LRMDA: variants seen among roughly 807,000 people sequenced by gnomAD.
The protein encoded by LRMDA is leucine rich melanocyte differentiation associated, also known as leucine-rich melanocyte differentiation-associated protein.
Under a neutral mutation model 29.8 loss-of-function variants are expected in LRMDA, and 18 were observed. The observed-to-expected ratio is 0.60, with a 90% CI of 0.42 to 0.90. LRMDA has a LOEUF of 0.90. Ranked by LOEUF, LRMDA falls within the 40% of genes least tolerant of loss-of-function variation. The probability of loss-of-function intolerance (pLI) is 0.00; values close to 1 mark genes in which losing one functional copy is unlikely to be tolerated. For missense variants in LRMDA, 273 were observed against 273.9 expected (o/e 1.00, Z 0.02); for synonymous variants, 125 against 109.4 (o/e 1.14, Z -0.89).
chr10:76,090,465 G>C (rs572011057), intron 5 of LRMDA, among the ~76,000 whole-genome samples: 98 of 152,286 alleles, frequency 6.4e-4, no homozygotes, highest in African/African-American at 2.3e-3. Flanking sequence ...ATAGTATGGT[G>C]GTTCCTCAAA....
Position 76,545,285 on chromosome 10 carries a change from AC to A in LRMDA, c.602-11923del, listed in dbSNP as rs371189211. On this transcript the variant is annotated intron_variant, in intron 6 of 6. Transcript: ENST00000611255. The stretch of plus-strand genomic sequence containing the variant: ...ATTTCAGCCTGCAGAACCAGACAGA[AC>A]TGTGGATGTTCCCTGCTTTTGATGT... Among the ~76,000 whole-genome samples, 789 of 151,930 alleles carry A rather than the reference AC, an allele frequency of 5.2e-3. 9 individuals carry two copies. The highest frequency in any genetic ancestry group is 0.028 in the Middle Eastern group (8 of 290).
chr10:76,044,399 C>T (rs1285308904), intron 3 of LRMDA, among the ~76,000 whole-genome samples: 1 of 150,852 alleles, frequency 6.6e-6, no homozygotes, highest in Non-Finnish European at 1.5e-5. Flanking sequence ...TGTCTGTGCC[C>T]ATATCTAAGG....
intron 5 of LRMDA, 54 bp from the exon 6 acceptor site, chr10:76,324,347 T>G: frequency 2.1e-6 from 3 of 1,441,990 alleles, no homozygotes; most frequent in African/African-American, 1.4e-5. Flanking sequence ...AATGAGGGTA[T>G]TTGGTATTTG....
intron 5 of LRMDA, among the ~76,000 whole-genome samples, chr10:76,194,043 G>C (rs552459590): frequency 2.6e-5 from 4 of 152,314 alleles, no homozygotes; most frequent in African/African-American, 4.8e-5. Flanking sequence ...GACTTGAAGG[G>C]ACAGGATATA....
chr10:76,016,393 T>C (rs1240014877), intron 2 of LRMDA, among the ~76,000 whole-genome samples: 1 of 152,182 alleles, frequency 6.6e-6, no homozygotes, highest in Non-Finnish European at 1.5e-5. Context: ...TAGGTGGTTT[T>C]GTTTTAGTTT....
chr10:75,584,440 A>G (rs1032412695), intron 2 of LRMDA, among the ~76,000 whole-genome samples: 2 of 152,146 alleles, frequency 1.3e-5, no homozygotes, highest in Non-Finnish European at 2.9e-5. Context: ...GACCACCTTC[A>G]GGAAAGGAAT....
At chr10:76,426,698 A>G (rs1448481264) in intron 6 of LRMDA, among the ~76,000 whole-genome samples, 2 of 152,314 alleles carry the variant, frequency 1.3e-5, no homozygotes, top group East Asian at 3.9e-4. Flanking sequence ...CCTGAATGGT[A>G]TTACCTGGGT....
At chr10:75,671,822 T>C (rs563511223) in intron 2 of LRMDA, among the ~76,000 whole-genome samples, 1 of 152,288 alleles carries the variant, frequency 6.6e-6, no homozygotes, top group East Asian at 1.9e-4. Context: ...GTGTGCATCT[T>C]CCCTTGACGA....
intron 2 of LRMDA, among the ~76,000 whole-genome samples, chr10:75,843,473 A>G (rs1259178748): frequency 3.3e-5 from 5 of 152,180 alleles, no homozygotes; most frequent in Admixed American, 3.3e-4. Context: ...TGCTTGCTCT[A>G]CCCTGAACTT....
intron 5 of LRMDA, among the ~76,000 whole-genome samples, chr10:76,232,811 C>T (rs1460358154): frequency 6.6e-6 from 1 of 152,202 alleles, no homozygotes; most frequent in Non-Finnish European, 1.5e-5. Flanking sequence ...GGTGGTCCCC[C>T]TACCCAAAGG....
intron 6 of LRMDA, among the ~76,000 whole-genome samples, chr10:76,329,731 C>T (rs1211298064): frequency 1.3e-5 from 2 of 152,104 alleles, no homozygotes; most frequent in East Asian, 3.9e-4. Flanking sequence ...TTTGCAGTTT[C>T]CTAAATGTGA....
At chr10:76,379,303 T>C (rs1841561067) in intron 6 of LRMDA, among the ~76,000 whole-genome samples, 2 of 152,040 alleles carry the variant, frequency 1.3e-5, no homozygotes, top group African/African-American at 2.4e-5. Flanking sequence ...CTACGATTGG[T>C]GCCAGTTCCT....
intron 2 of LRMDA, among the ~76,000 whole-genome samples, chr10:75,986,991 T>C (rs1847272487): frequency 6.6e-6 from 1 of 152,220 alleles, no homozygotes; most frequent in Non-Finnish European, 1.5e-5. Context: ...CAGTTCTCCT[T>C]TCTGTCCTTT....
chr10:75,728,940 C>T (rs1842663318), intron 2 of LRMDA, among the ~76,000 whole-genome samples: 1 of 152,122 alleles, frequency 6.6e-6, no homozygotes, highest in Non-Finnish European at 1.5e-5. Context: ...CAGTCCTGCC[C>T]ACCTTCTCTC....
At chr10:76,322,033 T>C (rs1215790505) in intron 5 of LRMDA, among the ~76,000 whole-genome samples, 1 of 152,218 alleles carries the variant, frequency 6.6e-6, no homozygotes, top group East Asian at 1.9e-4. Flanking sequence ...ATTTGCTTAT[T>C]CTCATTTTAG....
intron 5 of LRMDA, among the ~76,000 whole-genome samples, chr10:76,235,099 CA>C (rs1327030773): frequency 2.0e-5 from 3 of 152,114 alleles, no homozygotes; most frequent in Non-Finnish European, 4.4e-5. Context: ...CTCTTTCTTT[CA>C]CCTGAACACT....
At chr10:76,268,794 A>T (rs988655787) in intron 5 of LRMDA, among the ~76,000 whole-genome samples, 1 of 152,090 alleles carries the variant, frequency 6.6e-6, no homozygotes, top group Non-Finnish European at 1.5e-5. Context: ...GATAGGTTTG[A>T]CGTGTCAGTC....
At chr10:76,001,580 GTTTC>G (rs1160782931) in intron 2 of LRMDA, among the ~76,000 whole-genome samples, 2 of 151,408 alleles carry the variant, frequency 1.3e-5, no homozygotes, top group Non-Finnish European at 2.9e-5. Flanking sequence ...TGAATATAAT[GTTTC>G]TTTCTGTTGA....
intron 2 of LRMDA, among the ~76,000 whole-genome samples, chr10:75,861,108 C>T (rs1395464692): frequency 6.6e-6 from 1 of 152,214 alleles, no homozygotes; most frequent in Non-Finnish European, 1.5e-5. Context: ...TTTGTCTCAC[C>T]TGCCTCAGAT....
Sources: gnomAD v4.1 joint callset for allele counts (sites outside exome capture counted in the v4.1 genomes callset) on GRCh38, gnomAD v4.1.1 for gene constraint, MANE v1.5 for transcripts, NCBI Gene and HGNC (gene_info 2026-07-23, HGNC 2026-07-21) for gene names.